The following C12orf75 variants were observed in gnomAD, a reference collection of about 807,000 sequenced individuals.
C12orf75 encodes the protein chromosome 12 open reading frame 75.
Under a neutral mutation model 11.4 loss-of-function variants are expected in C12orf75, and 4 were observed. That is an observed-to-expected ratio of 0.35 (90% CI 0.17 to 0.80). C12orf75 has a LOEUF of 0.80. Among genes scored for constraint, C12orf75 ranks in the 30% least tolerant of loss-of-function variants. The probability of loss-of-function intolerance (pLI) is 0.52; values close to 1 mark genes in which losing one functional copy is unlikely to be tolerated. For missense variants in C12orf75, 89 were observed against 80.4 expected (o/e 1.11, Z -0.41); for synonymous variants, 30 against 30.0 (o/e 1.00, Z 0.00).
chr12:105,362,366 C>T (rs1308695259), intron 2 of C12orf75, among the ~76,000 whole-genome samples: 1 of 102,340 alleles, frequency 9.8e-6, no homozygotes, highest in Admixed American at 1.6e-4. Flanking sequence ...GCCTGGGCGA[C>T]AGAGCGAGAC....
chr12:105,354,930 T>C (rs1468510520), intron 2 of C12orf75, among the ~76,000 whole-genome samples: 1 of 152,004 alleles, frequency 6.6e-6, no homozygotes, highest in Non-Finnish European at 1.5e-5. Context: ...GAGCTGATGT[T>C]GCAATAAGAA....
At chr12:105,340,225 A>G (rs942133737) in intron 1 of C12orf75, among the ~76,000 whole-genome samples, 1 of 151,772 alleles carries the variant, frequency 6.6e-6, no homozygotes, top group Non-Finnish European at 1.5e-5. Flanking sequence ...GGAGATCAAG[A>G]CCATCCTTGC....
intron 2 of C12orf75, 143 bp downstream of exon 2, chr12:105,348,769 G>T: frequency 6.0e-6 from 3 of 502,784 alleles, no homozygotes; most frequent in Non-Finnish European, 1.0e-5. Context: ...CAAGATGATC[G>T]TTGTAACTAA....
intron 2 of C12orf75, among the ~76,000 whole-genome samples, chr12:105,361,632 C>G (rs977205005): frequency 2.0e-5 from 3 of 152,164 alleles, no homozygotes; most frequent in African/African-American, 7.2e-5. Context: ...CTTAACATGT[C>G]TGGGCCTTCC....
intron 2 of C12orf75, among the ~76,000 whole-genome samples, chr12:105,363,296 A>G (rs1225548445): frequency 6.6e-6 from 1 of 152,246 alleles, no homozygotes; most frequent in Non-Finnish European, 1.5e-5. Context: ...GAATGACACC[A>G]TTATACCCAC....
intron 1 of C12orf75, 24 bp downstream of exon 1, chr12:105,330,961 C>A: frequency 8.3e-7 from 1 of 1,200,012 alleles, no homozygotes; most frequent in Non-Finnish European, 1.0e-6. Flanking sequence ...GAGGCGGGGG[C>A]CGGCGGGGGC....
intron 1 of C12orf75, among the ~76,000 whole-genome samples, chr12:105,331,476 C>G (rs929314268): frequency 1.3e-5 from 2 of 151,956 alleles, no homozygotes; most frequent in African/African-American, 2.4e-5. Context: ...GCCTTGATGC[C>G]GAAGACCGGC....
intron 4 of C12orf75, 131 bp from the exon 5 acceptor site, chr12:105,367,341 A>C (rs186042218): frequency 1.9e-4 from 75 of 386,044 alleles, no homozygotes; most frequent in African/African-American, 1.3e-3. Flanking sequence ...TTTGTTCCTC[A>C]TTGTTCTTTC....
At chr12:105,361,944 A>G (rs1332971150) in intron 2 of C12orf75, among the ~76,000 whole-genome samples, 1 of 152,254 alleles carries the variant, frequency 6.6e-6, no homozygotes, top group Non-Finnish European at 1.5e-5. Context: ...TTGTACCTGC[A>G]TAAAAATGAC....
At chr12:105,331,126 C>T (rs958085886) in intron 1 of C12orf75, among the ~76,000 whole-genome samples, 189 bp downstream of exon 1, 10 of 152,026 alleles carry the variant, frequency 6.6e-5, no homozygotes, top group East Asian at 2.0e-4. Context: ...GCGGTTGCGC[C>T]TGGAGCAGTC....
At chr12:105,348,462 C>A in intron 1 of C12orf75, 140 bp from the exon 2 acceptor site, 2 of 410,260 alleles carry the variant, frequency 4.9e-6, no homozygotes, top group Non-Finnish European at 4.4e-6. Context: ...GATTTTTTTG[C>A]CCTCCTTTCT....
intron 2 of C12orf75, among the ~76,000 whole-genome samples, chr12:105,360,895 C>T (rs1892854309): frequency 6.6e-6 from 1 of 152,112 alleles, no homozygotes; most frequent in Admixed American, 6.5e-5. Flanking sequence ...CCTGCCTCAG[C>T]CTCCCGAGTA....
Position 105,366,644 on chromosome 12 carries a change from A to C in C12orf75, c.135A>C (p.Leu45=). The change falls in exon 4 of 6, where the codon CTA becomes CTC. Residue 45 remains leucine, a synonymous_variant. Transcript: ENST00000443585. ...ACTATGGAGGAGTATATGTTGGCCT[A>C]CCATCTGAAGCTGTCAATATGGTGT... ...RRNYGGVYVG[L]PSEAVNMVSS... 6.5e-7 allele frequency: 1 copy of C among 1,542,726 alleles called. No homozygotes were observed. The highest frequency in any genetic ancestry group is 8.8e-7 in the Non-Finnish European group (1 of 1,139,372).
At chr12:105,358,858 C>G (rs1296182128) in intron 2 of C12orf75, among the ~76,000 whole-genome samples, 3 of 152,190 alleles carry the variant, frequency 2.0e-5, no homozygotes, top group Non-Finnish European at 4.4e-5. Context: ...CTCCAGCACT[C>G]TTTGGACTCC....
chr12:105,369,312 C>CTA (rs1871564806), intron 5 of C12orf75, among the ~76,000 whole-genome samples: 1 of 152,224 alleles, frequency 6.6e-6, no homozygotes, highest in Non-Finnish European at 1.5e-5. Context: ...AGGCAGCTAG[C>CTA]TAAAACATTT....
rs150307068 is a variant in C12orf75 at position 105,348,715 on chromosome 12, A to G, written c.71+89A>G. 13 of 808,742 alleles carry G rather than the reference A, an allele frequency of 1.6e-5. No individual in the cohort carries two copies. In the East Asian group the frequency reaches 3.2e-4, roughly 20 times the overall value. The allele number at this position is 808,742 out of a possible 1,614,324, so 50.1% of individuals were successfully genotyped here. A position where few individuals can be genotyped will look rare whatever the true frequency, so the allele number is the denominator to read the frequency against. The stretch of plus-strand genomic sequence containing the variant: ...TTATGACCTTTAGATCTCTGTGGGT[A>G]TGGCTGAAAAGACATGGAAATACTT... On this transcript the variant is annotated intron_variant, in intron 2 of 5. Coordinates refer to ENST00000443585, the MANE Select transcript of C12orf75 (RefSeq NM_001145199.2).
intron 2 of C12orf75, among the ~76,000 whole-genome samples, chr12:105,361,105 C>G (rs769644843): frequency 2.0e-5 from 3 of 152,120 alleles, no homozygotes; most frequent in Non-Finnish European, 4.4e-5. Context: ...TCAACGTACC[C>G]TTTTCCCTCA....
chr12:105,339,214 G>C (rs561791922), intron 1 of C12orf75, among the ~76,000 whole-genome samples: 2 of 150,638 alleles, frequency 1.3e-5, no homozygotes, highest in East Asian at 3.9e-4. Flanking sequence ...AAATTAAAGA[G>C]AATTTTATTT....
At chr12:105,362,203 G>T (rs1015126333) in intron 2 of C12orf75, among the ~76,000 whole-genome samples, 1 of 151,818 alleles carries the variant, frequency 6.6e-6, no homozygotes, top group South Asian at 2.1e-4. Flanking sequence ...TGGCTAAAAC[G>T]GTGAAACCCC....
Sources: gnomAD v4.1 joint callset for allele counts (sites outside exome capture counted in the v4.1 genomes callset) on GRCh38, gnomAD v4.1.1 for gene constraint, MANE v1.5 for transcripts, NCBI Gene and HGNC (gene_info 2026-07-23, HGNC 2026-07-21) for gene names.